Variants in DGKB observed in about 807,000 individuals in gnomAD.
DGKB encodes diacylglycerol kinase beta.
A neutral mutation model predicts 114.3 loss-of-function variants in DGKB; 67 were observed. That is an observed-to-expected ratio of 0.59 (90% CI 0.48 to 0.72). The LOEUF (loss-of-function observed/expected upper bound fraction) is 0.72, where lower values mean the gene tolerates loss of function less well. DGKB is among the 30% of genes least tolerant of loss of function. DGKB has a pLI of 0.00. For missense variants in DGKB, 907 were observed against 975.2 expected (o/e 0.93, Z 0.93); for synonymous variants, 398 against 323.1 (o/e 1.23, Z -2.49).
intron 25 of DGKB, among the ~76,000 whole-genome samples, chr7:14,170,627 T>A (rs1450052074): frequency 6.6e-6 from 1 of 152,212 alleles, no homozygotes; most frequent in Non-Finnish European, 1.5e-5. Context: ...GGCCTGAGAT[T>A]ATTGTGTATT....
chr7:14,352,325 C>A (rs1246793474), intron 21 of DGKB, among the ~76,000 whole-genome samples: 2 of 151,556 alleles, frequency 1.3e-5, no homozygotes, highest in African/African-American at 2.4e-5. Flanking sequence ...CAACAATTCC[C>A]TATGGAAAAA....
intron 6 of DGKB, among the ~76,000 whole-genome samples, chr7:14,710,082 G>T (rs925885261): frequency 1.3e-5 from 2 of 151,894 alleles, no homozygotes; most frequent in Admixed American, 1.3e-4. Context: ...GATTTCTAAT[G>T]AGATTGTACT....
chr7:14,535,924 G>A (rs894024037), intron 20 of DGKB, among the ~76,000 whole-genome samples: 28 of 151,796 alleles, frequency 1.8e-4, no homozygotes, highest in Non-Finnish European at 8.8e-5. Flanking sequence ...AATTCTTATC[G>A]ATAGACGTAC....
At position 14,672,987 on chromosome 7, in the gene DGKB, T is replaced by C. The variant is rs1455777328; in HGVS notation, c.1076A>G (p.Asp359Gly). ...KCASHLKPEC[D>G]CGPLKDHILP... The stretch of plus-strand genomic sequence containing the variant: ...AATATGGTCCTTCAAAGGTCCACAG[T>C]CACATTCAGGTTTTAGATGAGAAGC... The change falls in exon 13 of 26, where the codon GAC (aspartate) becomes GGC (glycine). Residue 359 changes from aspartate (D) to glycine (G), a missense_variant. Asp to Gly is a moderately conservative substitution (Grantham distance 94). Transcript: ENST00000402815. 2 of 1,579,256 alleles carry C rather than the reference T, an allele frequency of 1.3e-6. No homozygotes were observed. Among genetic ancestry groups the C allele is most frequent in the Non-Finnish European group, 1.7e-6 (2 of 1,160,846 alleles).
At chr7:14,790,065 G>A (rs1226333985) in intron 2 of DGKB, among the ~76,000 whole-genome samples, 1 of 152,074 alleles carries the variant, frequency 6.6e-6, no homozygotes, top group Non-Finnish European at 1.5e-5. Flanking sequence ...CTTTCCATGT[G>A]CTTATTTACC....
intron 20 of DGKB, among the ~76,000 whole-genome samples, chr7:14,570,895 G>A (rs1798284440): frequency 6.6e-6 from 1 of 152,088 alleles, no homozygotes; most frequent in Non-Finnish European, 1.5e-5. Context: ...GTGTATTTCT[G>A]TTTCCTAATA....
rs1442605959 is a variant in DGKB at position 14,503,682 on chromosome 7, C to T, written c.1771-25457G>A. The stretch of plus-strand genomic sequence containing the variant: ...AGGCTAAGAATCTGCATTTCACTTA[C>T]TTTAGGATTCCAATTGTTTCTGGTG... On this transcript the variant is annotated intron_variant, in intron 20 of 25. Coordinates refer to ENST00000402815, the MANE Select transcript of DGKB (RefSeq NM_001350709.2). 2.6e-5 allele frequency among the ~76,000 whole-genome samples: 4 copies of T among 152,254 alleles called. No individual in the cohort carries two copies. The East Asian group carries it at 5.8e-4, about 22-fold the overall frequency.
intron 1 of DGKB, among the ~76,000 whole-genome samples, chr7:14,854,605 G>A (rs1586932177): frequency 6.6e-6 from 1 of 152,154 alleles, no homozygotes; most frequent in African/African-American, 2.4e-5. Flanking sequence ...TAATGCGGCT[G>A]CTGATCTAAC....
chr7:14,500,474 A>AT lies in DGKB; in HGVS notation c.1771-22250dup, dbSNP rs11357286. On this transcript the variant is annotated intron_variant, in intron 20 of 25. Transcript: ENST00000402815. Reference sequence around the variant, plus strand: ...ATGAACCAAACTAAAAAGTTTCTTTATTTTTTTTTTTGCTATCATCTTTCC... The same window carrying AT: ...ATGAACCAAACTAAAAAGTTTCTTTATTTTTTTTTTTTGCTATCATCTTTCC... Among the ~76,000 whole-genome samples, 123 of 145,750 alleles carry AT rather than the reference A, an allele frequency of 8.4e-4. 1 individual carries two copies. Among genetic ancestry groups the AT allele is most frequent in the Non-Finnish European group, 1.4e-3 (93 of 66,058 alleles).
At chr7:14,342,838 C>G (rs191867736) in intron 22 of DGKB, among the ~76,000 whole-genome samples, 1 of 151,640 alleles carries the variant, frequency 6.6e-6, no homozygotes, top group African/African-American at 2.4e-5. Flanking sequence ...AAGGTGCTCA[C>G]TATGTGAAAG....
At chr7:14,816,849 C>A (rs112093591) in intron 2 of DGKB, among the ~76,000 whole-genome samples, 29 of 152,166 alleles carry the variant, frequency 1.9e-4, no homozygotes, top group African/African-American at 7.0e-4. Flanking sequence ...TCCAGGTACC[C>A]AACATATTTA....
intron 17 of DGKB, among the ~76,000 whole-genome samples, chr7:14,606,381 C>T (rs1034738413): frequency 6.6e-6 from 1 of 152,046 alleles, no homozygotes; most frequent in African/African-American, 2.4e-5. Context: ...CATTGGGAAA[C>T]TGATCCCAGA....
intron 2 of DGKB, among the ~76,000 whole-genome samples, chr7:14,765,927 A>G (rs183083515): frequency 6.6e-6 from 1 of 152,078 alleles, no homozygotes; most frequent in Admixed American, 6.6e-5. Flanking sequence ...CTGTCTTGTA[A>G]ATATTTCCAC....
intron 23 of DGKB, among the ~76,000 whole-genome samples, chr7:14,255,129 C>G (rs563979938): frequency 6.6e-6 from 1 of 152,114 alleles, no homozygotes; most frequent in African/African-American, 2.4e-5. Context: ...GTTGTCAGAA[C>G]AAAGCAACTT....
intron 9 of DGKB, among the ~76,000 whole-genome samples, chr7:14,690,001 A>G (rs1276491022): frequency 6.6e-6 from 1 of 152,208 alleles, no homozygotes; most frequent in Admixed American, 6.5e-5. Flanking sequence ...CAAAGTATAA[A>G]CCATCCAGAA....
chr7:14,830,790 C>T (rs530144053), intron 2 of DGKB, among the ~76,000 whole-genome samples: 3 of 151,980 alleles, frequency 2.0e-5, no homozygotes, highest in Non-Finnish European at 2.9e-5. Flanking sequence ...GTTACTGCAG[C>T]TAGATTAGGG....
In DGKB at chr7:14,582,906, ATAAGT is replaced by A. The variant is rs1800164460; in HGVS notation, c.1519+141_1519+145del. 1.7e-4 allele frequency: 113 copies of A among 658,324 alleles called. 1 individual carries two copies. In the East Asian group the frequency reaches 3.2e-3, roughly 19 times the overall value. The allele number at this position is 658,324 out of a possible 1,614,324, so 40.8% of individuals were successfully genotyped here. On this transcript the variant is annotated intron_variant, in intron 18 of 25. Transcript: ENST00000402815. ...AGTTGAATTTTTGAACTACAGAATA[ATAAGT>A]TAAACCAGTGTGCAACCTTCCAGAT... is the stretch of plus-strand genomic sequence containing the variant.
At chr7:14,618,820 T>C (rs945003846) in intron 15 of DGKB, among the ~76,000 whole-genome samples, 2 of 151,472 alleles carry the variant, frequency 1.3e-5, no homozygotes, top group Admixed American at 1.3e-4. Context: ...TTAAGCAGTG[T>C]AGATCTCTTC....
intron 20 of DGKB, among the ~76,000 whole-genome samples, chr7:14,489,317 T>C (rs903759316): frequency 9.9e-5 from 15 of 152,240 alleles, no homozygotes; most frequent in African/African-American, 3.6e-4. Flanking sequence ...GTCAATGTAA[T>C]ATATTTAAAA....
Sources: allele counts gnomAD v4.1 joint callset (sites outside exome capture counted in the v4.1 genomes callset), GRCh38; gene constraint gnomAD v4.1.1; transcripts MANE v1.5; gene names NCBI Gene and HGNC (gene_info 2026-07-23, HGNC 2026-07-21).